The following SLC6A18 variants were observed in gnomAD, a reference collection of about 807,000 sequenced individuals.
SLC6A18 encodes solute carrier family 6 member 18, also known as inactive sodium-dependent neutral amino acid transporter B(0)AT3.
SLC6A18 carries 58 observed loss-of-function variants against 62.9 expected under a neutral mutation model. The ratio of observed to expected loss-of-function variants is 0.92; its 90% CI spans 0.75 to 1.15. The LOEUF (loss-of-function observed/expected upper bound fraction) is 1.15, where lower values mean the gene tolerates loss of function less well. SLC6A18 is among the 50% of genes most tolerant of loss of function. SLC6A18 has a pLI of 0.00. For synonymous variants in SLC6A18, 382 were observed against 365.8 expected, an observed-to-expected ratio of 1.04 and a Z score of -0.51; for missense variants, 793 against 836.6, an observed-to-expected ratio of 0.95 and a Z score of 0.64.
chr5:1,233,789 T>TGC (rs1472520225), intron 3 of SLC6A18, among the ~76,000 whole-genome samples: 9 of 150,922 alleles, frequency 6.0e-5, no homozygotes, highest in Non-Finnish European at 1.2e-4. Flanking sequence ...TCGCCCAGGC[T>TGC]GGAGTGCAGT....
chr5:1,245,861 C>G lies in SLC6A18; in HGVS notation c.1670C>G (p.Ser557Trp). 2 of 1,607,640 alleles carry G rather than the reference C, an allele frequency of 1.2e-6. No homozygotes were observed. Among genetic ancestry groups the G allele is most frequent in the Non-Finnish European group, 1.7e-6 (2 of 1,178,470 alleles). Reference protein sequence around the residue: ...AWNPKYELFPSRQEKLYPGWA... With the variant: ...AWNPKYELFPWRQEKLYPGWA... ...GTGGTCCCGCAGGAGCTGTTCCCCTCGCGTCAGGAGAAGCTCTACCCGGGC... is the reference window on the plus strand; with the variant it reads ...GTGGTCCCGCAGGAGCTGTTCCCCTGGCGTCAGGAGAAGCTCTACCCGGGC... Residue 557 changes from serine (S) to tryptophan (W), a missense_variant, in exon 12 of 12, where the codon TCG becomes TGG. Transcript: ENST00000324642.
At chr5:1,227,149 ACTTGCCCGCCGATGC>A (rs559225608) in intron 1 of SLC6A18, among the ~76,000 whole-genome samples, 6,196 of 87,254 alleles carry the variant, frequency 0.071, 175 homozygotes, top group Non-Finnish European at 0.095. Context: ...CCCGCCGATG[ACTTGCCCGCCGATGC>A]CTTGCCCGCC....
At chr5:1,236,131 G>GTT (rs70957338) in intron 4 of SLC6A18, among the ~76,000 whole-genome samples, 8 of 151,158 alleles carry the variant, frequency 5.3e-5, no homozygotes, top group African/African-American at 7.3e-5. Flanking sequence ...TGCCCCATCT[G>GTT]TTTTTTTTTA....
chr5:1,233,795 G>C (rs1015952029), intron 3 of SLC6A18, among the ~76,000 whole-genome samples: 10 of 150,058 alleles, frequency 6.7e-5, no homozygotes, highest in African/African-American at 2.0e-4. Flanking sequence ...AGGCTGGAGT[G>C]CAGTGGTGCT....
chr5:1,227,494 A>C (rs1746613862), intron 1 of SLC6A18, among the ~76,000 whole-genome samples: 1 of 152,260 alleles, frequency 6.6e-6, no homozygotes, highest in Admixed American at 6.5e-5. Flanking sequence ...CCTGTGTGTG[A>C]ACATGCCCTT....
At chr5:1,232,407 G>C in intron 2 of SLC6A18, 48 bp downstream of exon 2, 1 of 1,580,648 alleles carries the variant, frequency 6.3e-7, no homozygotes, top group Non-Finnish European at 8.6e-7. Context: ...CAGGGACAGG[G>C]CCCTCCTGGA....
chr5:1,228,561 G>A (rs1374407896), intron 1 of SLC6A18, among the ~76,000 whole-genome samples: 1 of 152,194 alleles, frequency 6.6e-6, no homozygotes, highest in Non-Finnish European at 1.5e-5. Context: ...TGGATCGATT[G>A]TAACAGCAGC....
At chr5:1,225,742 C>A in intron 1 of SLC6A18, 105 bp downstream of exon 1, 1 of 1,369,506 alleles carries the variant, frequency 7.3e-7, no homozygotes, top group Non-Finnish European at 9.8e-7. Flanking sequence ...TGGGCAGAGT[C>A]ACTCCTCCTG....
intron 3 of SLC6A18, among the ~76,000 whole-genome samples, 184 bp downstream of exon 3, chr5:1,233,072 A>G (rs1746778139): frequency 1.3e-5 from 2 of 152,344 alleles, no homozygotes; most frequent in South Asian, 2.1e-4. Context: ...CGTGCAGTCC[A>G]GTTCTTATGA....
chr5:1,234,250 C>T (rs1746827369), intron 3 of SLC6A18, among the ~76,000 whole-genome samples: 1 of 152,196 alleles, frequency 6.6e-6, no homozygotes, highest in African/African-American at 2.4e-5. Flanking sequence ...CTGCCTTTTG[C>T]TAAAACTCAC....
rs754078392 is a variant in SLC6A18, at chr5:1,235,599, C to T, written c.558C>T (p.Cys186=). ...CCATCCAGTGGTGGCTGCTCATCTGCTTGGCAGCCTCCTGGGCAGTCGTGT... is the reference window on the plus strand; with the variant it reads ...CCATCCAGTGGTGGCTGCTCATCTGTTTGGCAGCCTCCTGGGCAGTCGTGT... ...SGSIQWWLLI[C]LAASWAVVYM... Residue 186 remains cysteine, a synonymous_variant, in exon 4 of 12, where the codon TGC becomes TGT. Coordinates refer to ENST00000324642, the MANE Select transcript of SLC6A18 (RefSeq NM_182632.3). 1 of 1,613,918 alleles carries T rather than the reference C, an allele frequency of 6.2e-7. No homozygotes were observed. The highest frequency in any genetic ancestry group is 8.5e-7 in the Non-Finnish European group (1 of 1,180,026).
At position 1,242,780 on chromosome 5, in the gene SLC6A18, C is replaced by G. The variant is rs780303602; in HGVS notation, c.1048C>G (p.Leu350Val). 6.2e-7 allele frequency: 1 copy of G among 1,614,064 alleles called. No individual in the cohort carries two copies. Among genetic ancestry groups the G allele is most frequent in the Admixed American group, 1.7e-5 (1 of 60,024 alleles). ...SISRDDYPAV[L>V]MHLNATWPKR... ...CTCCAGGGACGACTACCCAGCCGTC[C>G]TCATGCACCTGAACGCCACCTGGCC... The change falls in exon 8 of 12, where the codon CTC becomes GTC. Residue 350 changes from leucine to valine, a missense_variant. By Grantham distance (32) the Leu-to-Val change is conservative. Transcript: ENST00000324642.
At chr5:1,227,054 C>T (rs959088900) in intron 1 of SLC6A18, among the ~76,000 whole-genome samples, 8 of 138,916 alleles carry the variant, frequency 5.8e-5, no homozygotes, top group Admixed American at 2.7e-4. Context: ...CCTTGCCCGC[C>T]GACACCTTGC....
At chr5:1,228,245 C>CG (rs1242769072) in intron 1 of SLC6A18, among the ~76,000 whole-genome samples, 2 of 152,162 alleles carry the variant, frequency 1.3e-5, no homozygotes, top group Non-Finnish European at 2.9e-5. Flanking sequence ...CTACACTGCC[C>CG]GGGGGGAGTT....
Position 1,225,552 on chromosome 5 carries a change from C to T in SLC6A18, c.75C>T (p.Ala25=), listed in dbSNP as rs369759493. The change falls in exon 1 of 12, where the codon GCC becomes GCT. Residue 25 remains alanine, a synonymous_variant. Transcript: ENST00000324642. The part of the protein sequence containing the change: ...GDERPKWDNK[A]QYLLSCTGFA... ...AGAGGCCCAAGTGGGACAACAAGGCCCAGTACCTCCTGAGCTGCACTGGGT... is the reference window on the plus strand; with the variant it reads ...AGAGGCCCAAGTGGGACAACAAGGCTCAGTACCTCCTGAGCTGCACTGGGT... 3 of 1,613,280 alleles carry T rather than the reference C, an allele frequency of 1.9e-6. No individual in the cohort carries two copies. Among genetic ancestry groups the T allele is most frequent in the East Asian group, 2.2e-5 (1 of 44,874 alleles).
rs765675788 is a variant in SLC6A18, at chr5:1,232,873, G to A, written c.424G>A (p.Asp142Asn). ...HPLPWSSCPP[D>N]LNRTGFVEEC... Reference sequence around the variant, plus strand: ...GCTGCCCTGGAGCTCCTGCCCACCGGACCTCAACAGAACAGGTGAGCTGGG... The same window carrying A: ...GCTGCCCTGGAGCTCCTGCCCACCGAACCTCAACAGAACAGGTGAGCTGGG... The change falls in exon 3 of 12, where the codon GAC becomes AAC. Residue 142 changes from aspartate (D) to asparagine (N), a missense_variant. Asp to Asn is a conservative substitution (Grantham distance 23). Transcript: ENST00000324642. 4.3e-6 allele frequency: 7 copies of A among 1,612,286 alleles called. No individual in the cohort carries two copies. The Admixed American group carries it at 1.0e-4, about 23-fold the overall frequency.
chr5:1,237,240 C>CAAAAAAAAAAAA (rs61528804), intron 4 of SLC6A18, among the ~76,000 whole-genome samples: 19 of 76,468 alleles, frequency 2.5e-4, no homozygotes, highest in African/African-American at 1.0e-3. Flanking sequence ...GACTCTGTCT[C>CAAAAAAAAAAAA]AAAAAAAAAA....
At chr5:1,230,291 C>T (rs1746696490) in intron 1 of SLC6A18, among the ~76,000 whole-genome samples, 1 of 152,128 alleles carries the variant, frequency 6.6e-6, no homozygotes, top group African/African-American at 2.4e-5. Flanking sequence ...GAGCCTGGCC[C>T]TGAGAAAGGC....
At chr5:1,227,962 A>T (rs1033797520) in intron 1 of SLC6A18, among the ~76,000 whole-genome samples, 4 of 152,164 alleles carry the variant, frequency 2.6e-5, no homozygotes, top group African/African-American at 4.8e-5. Flanking sequence ...TCACTCATCA[A>T]GCGCGCCCCC....
Sources: gnomAD v4.1 joint callset for allele counts (sites outside exome capture counted in the v4.1 genomes callset) on GRCh38, gnomAD v4.1.1 for gene constraint, MANE v1.5 for transcripts, NCBI Gene and HGNC (gene_info 2026-07-23, HGNC 2026-07-21) for gene names.